Variants in KCNMB2 observed in about 807,000 individuals in gnomAD.
KCNMB2 encodes calcium-activated potassium channel subunit beta-2.
In KCNMB2, 9 loss-of-function variants were observed where a neutral mutation model predicts 24.5. That is an observed-to-expected ratio of 0.37 (90% CI 0.22 to 0.64). KCNMB2 has a LOEUF of 0.64. KCNMB2 is among the 30% of genes least tolerant of loss of function. KCNMB2 has a pLI of 0.63. For synonymous variants in KCNMB2, 109 were observed against 104.4 expected (o/e 1.04, Z -0.27); for missense variants, 226 against 284.3 (o/e 0.79, Z 1.47).
intron 1 of KCNMB2, among the ~76,000 whole-genome samples, chr3:178,604,186 T>G (rs570878747): frequency 2.6e-5 from 4 of 152,144 alleles, no homozygotes; most frequent in Non-Finnish European, 5.9e-5. Context: ...CCTTGCTAAA[T>G]AAGCACTGTT....
chr3:178,591,715 T>G (rs1327764979), intron 1 of KCNMB2, among the ~76,000 whole-genome samples: 1 of 152,102 alleles, frequency 6.6e-6, no homozygotes, highest in Non-Finnish European at 1.5e-5. Context: ...GTCCCTAGGC[T>G]CCTAAGTTTA....
chr3:178,606,051 G>A (rs1298118796), intron 1 of KCNMB2, among the ~76,000 whole-genome samples: 1 of 152,190 alleles, frequency 6.6e-6, no homozygotes, highest in Non-Finnish European at 1.5e-5. Context: ...AGCCACCCCA[G>A]AAGGAATACC....
intron 1 of KCNMB2, among the ~76,000 whole-genome samples, chr3:178,583,016 G>A (rs1197590191): frequency 1.3e-5 from 2 of 152,074 alleles, no homozygotes; most frequent in Non-Finnish European, 2.9e-5. Flanking sequence ...AATGATATTG[G>A]TTCTCTTTAA....
chr3:178,602,951 G>A (rs931039), intron 1 of KCNMB2, among the ~76,000 whole-genome samples: 101,757 of 151,886 alleles, frequency 0.67, 34,938 homozygotes, highest in African/African-American at 0.82. Context: ...GAGATTGGAC[G>A]GGGTGGGAAG....
chr3:178,781,288 G>A (rs79168539), intron 1 of KCNMB2, among the ~76,000 whole-genome samples: 21,419 of 152,034 alleles, frequency 0.14, 1,843 homozygotes, highest in Admixed American at 0.18. Flanking sequence ...CAGCAAAGGG[G>A]ACCAAATGAA....
intron 1 of KCNMB2, chr3:178,756,949 G>C (rs1276371030): frequency 6.6e-6 from 1 of 151,698 alleles, no homozygotes; most frequent in Non-Finnish European, 1.5e-5. Flanking sequence ...CGATTTTAAA[G>C]AGAAAAATTG....
At chr3:178,684,002 T>C (rs1182925662) in intron 1 of KCNMB2, among the ~76,000 whole-genome samples, 4 of 152,114 alleles carry the variant, frequency 2.6e-5, no homozygotes, top group Non-Finnish European at 5.9e-5. Flanking sequence ...ACTGCTATAC[T>C]TACAGTGAAA....
chr3:178,822,369 C>G (rs955715810), intron 2 of KCNMB2, among the ~76,000 whole-genome samples: 25 of 152,214 alleles, frequency 1.6e-4, no homozygotes, highest in African/African-American at 6.0e-4. Flanking sequence ...CTCCCTCAAG[C>G]TGGGGTATCC....
At chr3:178,559,970 T>C (rs2108463068) in intron 1 of KCNMB2, among the ~76,000 whole-genome samples, 1 of 147,612 alleles carries the variant, frequency 6.8e-6, no homozygotes, top group Non-Finnish European at 1.5e-5. Flanking sequence ...AAAATATATA[T>C]TAAAACAATA....
At chr3:178,711,827 T>C (rs76909478) in intron 1 of KCNMB2, among the ~76,000 whole-genome samples, 3,183 of 152,336 alleles carry the variant, frequency 0.021, 119 homozygotes, top group African/African-American at 0.073. Context: ...GATGACCTTG[T>C]TTCAAATTAT....
chr3:178,663,405 T>C (rs1167036809), intron 1 of KCNMB2, among the ~76,000 whole-genome samples: 2 of 152,156 alleles, frequency 1.3e-5, no homozygotes, highest in Non-Finnish European at 2.9e-5. Flanking sequence ...CTCTTAACCA[T>C]GACATCACAC....
intron 1 of KCNMB2, among the ~76,000 whole-genome samples, chr3:178,615,134 C>T (rs897633702): frequency 6.6e-6 from 1 of 152,224 alleles, no homozygotes; most frequent in Non-Finnish European, 1.5e-5. Context: ...GTCTCTTTCT[C>T]TCTCTGTTCT....
chr3:178,767,609 G>A (rs1190369467), intron 1 of KCNMB2, among the ~76,000 whole-genome samples: 2 of 152,190 alleles, frequency 1.3e-5, no homozygotes, highest in African/African-American at 4.8e-5. Flanking sequence ...CTAATTATGA[G>A]TGTAAAATGC....
At chr3:178,795,391 A>T (rs1322149328) in intron 1 of KCNMB2, among the ~76,000 whole-genome samples, 1 of 152,232 alleles carries the variant, frequency 6.6e-6, no homozygotes, top group Non-Finnish European at 1.5e-5. Context: ...CCAAGTGCTT[A>T]CATCACGACT....
intron 1 of KCNMB2, among the ~76,000 whole-genome samples, chr3:178,740,836 T>G (rs1448413331): frequency 1.3e-5 from 2 of 152,158 alleles, no homozygotes; most frequent in Admixed American, 6.6e-5. Flanking sequence ...CCCAACATTA[T>G]GAAAGAAAGA....
intron 1 of KCNMB2, among the ~76,000 whole-genome samples, chr3:178,733,618 C>T (rs931395642): frequency 2.0e-5 from 3 of 152,060 alleles, no homozygotes; most frequent in Non-Finnish European, 2.9e-5. Context: ...GTAGCTGGGA[C>T]TACAGGTGCA....
intron 1 of KCNMB2, among the ~76,000 whole-genome samples, chr3:178,781,708 G>A (rs1442735759): frequency 6.6e-6 from 1 of 151,816 alleles, no homozygotes; most frequent in Non-Finnish European, 1.5e-5. Flanking sequence ...GGGAGTGATG[G>A]ACCACCTCTA....
chr3:178,774,012 T>A (rs1462201407), intron 1 of KCNMB2, among the ~76,000 whole-genome samples: 3 of 152,192 alleles, frequency 2.0e-5, no homozygotes, highest in Non-Finnish European at 4.4e-5. Context: ...AGCATTGGTG[T>A]CTGGTGAGAG....
chr3:178,640,726 C>T (rs1311870062), intron 1 of KCNMB2, among the ~76,000 whole-genome samples: 1 of 152,148 alleles, frequency 6.6e-6, no homozygotes, highest in Non-Finnish European at 1.5e-5. Context: ...TGGTTTTTCT[C>T]TCATAGATTG....
Sources: allele counts gnomAD v4.1 joint callset (sites outside exome capture counted in the v4.1 genomes callset), GRCh38; gene constraint gnomAD v4.1.1; transcripts MANE v1.5; gene names NCBI Gene and HGNC (gene_info 2026-07-23, HGNC 2026-07-21).